PTPN4: variants seen among roughly 807,000 people sequenced by gnomAD.
PTPN4 encodes the protein protein tyrosine phosphatase non-receptor type 4, also known as tyrosine-protein phosphatase non-receptor type 4.
In PTPN4, 49 loss-of-function variants were observed where a neutral mutation model predicts 135.5. The observed-to-expected ratio is 0.36, with a 90% CI of 0.29 to 0.46. The LOEUF (loss-of-function observed/expected upper bound fraction) is 0.46. Among genes scored for constraint, PTPN4 ranks in the 20% least tolerant of loss-of-function variants. PTPN4 has a pLI of 1.00. For synonymous variants in PTPN4, 333 were observed against 369.9 expected (o/e 0.90, Z 1.14); for missense variants, 860 against 1,101.0 (o/e 0.78, Z 3.10).
chr2:119,895,651 G>C (rs903521627), intron 9 of PTPN4, among the ~76,000 whole-genome samples: 6 of 152,026 alleles, frequency 3.9e-5, no homozygotes, highest in Non-Finnish European at 7.4e-5. Flanking sequence ...GCCGGGTGCA[G>C]TGGCTCACGC....
intron 1 of PTPN4, among the ~76,000 whole-genome samples, chr2:119,769,268 A>G (rs1690692521): frequency 6.6e-6 from 1 of 152,220 alleles, no homozygotes. Context: ...CTGAGAGAAA[A>G]AGAGAAGACC....
chr2:119,881,275 T>C (rs1678073639), intron 5 of PTPN4, among the ~76,000 whole-genome samples: 1 of 152,246 alleles, frequency 6.6e-6, no homozygotes, highest in Non-Finnish European at 1.5e-5. Flanking sequence ...CTTCCTTAAT[T>C]CACATGGAAG....
rs1353021881 is a variant in PTPN4, at chr2:119,984,688, A to G, written c.*7618A>G. 6.6e-6 allele frequency among the ~76,000 whole-genome samples: 1 copy of G among 152,246 alleles called. No individual in the cohort carries two copies. Among genetic ancestry groups the G allele is most frequent in the Non-Finnish European group, 1.5e-5 (1 of 68,044 alleles). On this transcript the variant is annotated 3_prime_UTR_variant, in exon 27 of 27. Transcript: ENST00000263708. ...TCTGCCATTCATGTACAAAAAAATT[A>G]CAACTACAGCAAACAAGATAAAAAT...
Position 119,813,034 on chromosome 2 carries a change from G to A in PTPN4, c.138+3043G>A, listed in dbSNP as rs185927100. Among the ~76,000 whole-genome samples the A allele has an allele frequency of 7.5e-4, 114 of 152,226 alleles. No homozygotes were observed. The Middle Eastern group carries it at 0.017, about 23-fold the overall frequency. On this transcript the variant is annotated intron_variant, in intron 2 of 26. Transcript: ENST00000263708. The stretch of plus-strand genomic sequence containing the variant: ...ACCATGTATTGTCCTCAGGGATTCC[G>A]TGAGTCAGAGATTCACACACACACA...
chr2:119,871,044 C>T (rs1677902204), intron 3 of PTPN4, among the ~76,000 whole-genome samples: 1 of 150,738 alleles, frequency 6.6e-6, no homozygotes, highest in African/African-American at 2.4e-5. Flanking sequence ...AGTCACATAA[C>T]CCAATAGAAA....
chr2:119,968,769 G>A (rs1679483478), intron 26 of PTPN4, among the ~76,000 whole-genome samples: 2 of 152,134 alleles, frequency 1.3e-5, no homozygotes, highest in Admixed American at 6.5e-5. Flanking sequence ...TCCAGCCTGG[G>A]TGACAGAGTG....
intron 1 of PTPN4, among the ~76,000 whole-genome samples, chr2:119,798,146 T>G (rs1476782179): frequency 6.6e-6 from 1 of 152,028 alleles, no homozygotes; most frequent in Non-Finnish European, 1.5e-5. Flanking sequence ...TTTATACATA[T>G]ATACCAATTT....
chr2:119,941,688 T>C (rs569376620), intron 15 of PTPN4, among the ~76,000 whole-genome samples: 1 of 152,334 alleles, frequency 6.6e-6, no homozygotes, highest in African/African-American at 2.4e-5. Flanking sequence ...AAAGTTTTAC[T>C]GTCCTTTCGT....
chr2:119,841,936 A>G (rs1176031869), intron 2 of PTPN4, among the ~76,000 whole-genome samples: 1 of 152,210 alleles, frequency 6.6e-6, no homozygotes, highest in Non-Finnish European at 1.5e-5. Flanking sequence ...GGGTGACACT[A>G]TCTGTAAGAA....
chr2:119,877,643 A>C, intron 5 of PTPN4, 101 bp downstream of exon 5: 1 of 1,382,452 alleles, frequency 7.2e-7, no homozygotes, highest in South Asian at 1.5e-5. Context: ...TGTAATTCTG[A>C]GCTTTCCAGT....
At chr2:119,783,917 A>G (rs959221007) in intron 1 of PTPN4, among the ~76,000 whole-genome samples, 10 of 152,124 alleles carry the variant, frequency 6.6e-5, no homozygotes, top group Non-Finnish European at 7.4e-5. Flanking sequence ...CTCATTGGCA[A>G]TGGCTGGGGG....
chr2:119,770,328 A>G (rs1391957548), intron 1 of PTPN4, among the ~76,000 whole-genome samples: 5 of 152,248 alleles, frequency 3.3e-5, no homozygotes, highest in Non-Finnish European at 7.3e-5. Flanking sequence ...GTATATTACC[A>G]TAATTCTCAG....
At chr2:119,932,574 A>G (rs1678922155) in intron 14 of PTPN4, 25 bp downstream of exon 14, 2 of 1,572,360 alleles carry the variant, frequency 1.3e-6, no homozygotes, top group South Asian at 2.4e-5. Flanking sequence ...TGTGACCAAC[A>G]TCAGGTGTGA....
At chr2:119,838,282 G>T (rs1024060048) in intron 2 of PTPN4, among the ~76,000 whole-genome samples, 1 of 151,924 alleles carries the variant, frequency 6.6e-6, no homozygotes, top group African/African-American at 2.4e-5. Context: ...CATGTACCAG[G>T]TGTAGCCTGC....
At chr2:119,949,803 A>T (rs1261403530) in intron 18 of PTPN4, among the ~76,000 whole-genome samples, 2 of 152,042 alleles carry the variant, frequency 1.3e-5, no homozygotes, top group African/African-American at 4.8e-5. Context: ...TGATCACACC[A>T]CTACACTCCA....
In PTPN4 at chr2:119,979,148, C is replaced by T. The variant is rs915145412; in HGVS notation, c.*2078C>T. The T allele has an allele frequency of 2.0e-5, 3 of 151,966 alleles. No individual in the cohort carries two copies. Among genetic ancestry groups the T allele is most frequent in the South Asian group, 2.1e-4 (1 of 4,822 alleles). 9.4% of individuals were successfully genotyped at this position (151,966 alleles called of 1,614,324 possible). Reference sequence around the variant, plus strand: ...AAAAACTGAGAAAGTAAAATTATGTCGGGGTCTACACATTAAATGACTGTT... The same window carrying T: ...AAAAACTGAGAAAGTAAAATTATGTTGGGGTCTACACATTAAATGACTGTT... On this transcript the variant is annotated 3_prime_UTR_variant, in exon 27 of 27. Coordinates refer to ENST00000263708, the MANE Select transcript of PTPN4 (RefSeq NM_002830.4).
At chr2:119,818,728 A>G (rs1677024727) in intron 2 of PTPN4, among the ~76,000 whole-genome samples, 1 of 152,248 alleles carries the variant, frequency 6.6e-6, no homozygotes, top group Admixed American at 6.5e-5. Flanking sequence ...GAATTATATT[A>G]TGGCAGGCAG....
chr2:119,865,706 T>TTTTTAAATCTTAAG (rs1677824544), intron 3 of PTPN4, among the ~76,000 whole-genome samples: 1 of 152,074 alleles, frequency 6.6e-6, no homozygotes, highest in African/African-American at 2.4e-5. Context: ...TAGCTCATAA[T>TTTTTAAATCTTAAG]TTTTAAATCT....
At chr2:119,796,228 C>T (rs964411805) in intron 1 of PTPN4, among the ~76,000 whole-genome samples, 1 of 152,168 alleles carries the variant, frequency 6.6e-6, no homozygotes, top group Non-Finnish European at 1.5e-5. Flanking sequence ...TCTGGATGGC[C>T]CGCTGCTGCC....
Sources: allele counts gnomAD v4.1 joint callset (sites outside exome capture counted in the v4.1 genomes callset), GRCh38; gene constraint gnomAD v4.1.1; transcripts MANE v1.5; gene names NCBI Gene and HGNC (gene_info 2026-07-23, HGNC 2026-07-21).